Variants in UNC13B observed in about 807,000 individuals in gnomAD.
UNC13B encodes protein unc-13 homolog B.
Under a neutral mutation model 211.0 loss-of-function variants are expected in UNC13B, and 144 were observed. The observed-to-expected ratio is 0.68, with a 90% CI of 0.60 to 0.78. The LOEUF is 0.78. UNC13B is among the 30% of genes least tolerant of loss of function. The pLI is 0.00. For synonymous variants in UNC13B, 709 were observed against 725.8 expected (o/e 0.98, Z 0.37); for missense variants, 1,777 against 2,002.0 (o/e 0.89, Z 2.14).
chr9:35,178,258 C>T (rs1821745234), intron 1 of UNC13B, among the ~76,000 whole-genome samples: 1 of 152,132 alleles, frequency 6.6e-6, no homozygotes, highest in Non-Finnish European at 1.5e-5. Flanking sequence ...CCTGTAATCT[C>T]AGCATTATTG....
Position 35,305,755 on chromosome 9 carries a change from TA to T in UNC13B, c.6353del (p.Asn2118MetfsTer8). 2.5e-6 allele frequency: 1 copy of T among 399,014 alleles called. No homozygotes were observed. Among genetic ancestry groups the T allele is most frequent in the Non-Finnish European group, 4.4e-6 (1 of 226,024 alleles). The allele number at this position is 399,014 out of a possible 1,614,324, so 24.7% of individuals were successfully genotyped here. On this transcript the variant is annotated frameshift_variant, in exon 9 of 40. Coordinates refer to ENST00000635942, the MANE Select transcript of UNC13B (RefSeq NM_001371189.2). LOFTEE classifies it high-confidence loss of function. ...CTACAGTGACAGAAGTTTCAAAAAGTAATGAAATATCCTTTGATACCCTGAG... is the reference window on the plus strand; with the variant it reads ...CTACAGTGACAGAAGTTTCAAAAAGTATGAAATATCCTTTGATACCCTGAG... Reference protein sequence around the residue: ...VTTVTEVSKSNEISFDTLSKR... With the variant: ...VTTVTEVSKSXEISFDTLSKR...
Position 35,301,891 on chromosome 9 carries a change from T to C in UNC13B, c.2487T>C (p.Ser829=), listed in dbSNP as rs1829702915. ...LTSPETCSKE[S]LSEPVKIRQV... is the part of the protein sequence containing the mutation. ...CCCCTGAGACTTGTTCAAAGGAAAG[T>C]TTGTCAGAACCTGTGAAAATTCGCC... Residue 829 remains serine, a synonymous_variant, in exon 9 of 40, where the codon AGT becomes AGC. Transcript: ENST00000635942. The C allele has an allele frequency of 2.5e-6, 1 of 398,768 alleles. No homozygotes were observed. Among genetic ancestry groups the C allele is most frequent in the East Asian group, 3.6e-5 (1 of 28,048 alleles). The allele number at this position is 398,768 out of a possible 1,614,324, so 24.7% of individuals were successfully genotyped here.
At chr9:35,218,766 T>TGA (rs983766307) in intron 1 of UNC13B, among the ~76,000 whole-genome samples, 16 of 151,776 alleles carry the variant, frequency 1.1e-4, no homozygotes, top group Non-Finnish European at 1.8e-4. Context: ...TTTTTCTTTT[T>TGA]GAGATGGAGT....
intron 6 of UNC13B, among the ~76,000 whole-genome samples, chr9:35,249,844 C>G (rs1826351725): frequency 1.3e-5 from 2 of 152,176 alleles, no homozygotes; most frequent in Admixed American, 1.3e-4. Flanking sequence ...TGGAGTTGCT[C>G]TTCTCGAGGA....
At chr9:35,186,805 C>T (rs1007442804) in intron 1 of UNC13B, among the ~76,000 whole-genome samples, 1 of 152,100 alleles carries the variant, frequency 6.6e-6, no homozygotes, top group African/African-American at 2.4e-5. Flanking sequence ...TGTCTGGTGC[C>T]ATCTTGTCTG....
chr9:35,202,748 C>A (rs1430824738), intron 1 of UNC13B, among the ~76,000 whole-genome samples: 3 of 150,510 alleles, frequency 2.0e-5, no homozygotes, highest in African/African-American at 7.4e-5. Context: ...TGTGTCTCTG[C>A]CTGTCAGATG....
At chr9:35,219,318 A>T (rs1219534066) in intron 1 of UNC13B, among the ~76,000 whole-genome samples, 1 of 152,018 alleles carries the variant, frequency 6.6e-6, no homozygotes, top group African/African-American at 2.4e-5. Flanking sequence ...TGCTTTCACT[A>T]TTAGGAGAAG....
At chr9:35,196,338 A>C (rs1422419677) in intron 1 of UNC13B, among the ~76,000 whole-genome samples, 3 of 152,230 alleles carry the variant, frequency 2.0e-5, no homozygotes, top group Non-Finnish European at 4.4e-5. Flanking sequence ...GGCTAGAACA[A>C]GGCAAGTTAG....
At chr9:35,186,617 C>G (rs1319982111) in intron 1 of UNC13B, among the ~76,000 whole-genome samples, 1 of 150,758 alleles carries the variant, frequency 6.6e-6, no homozygotes, top group Non-Finnish European at 1.5e-5. Context: ...GAGGGGACTT[C>G]CAAGAGGAAA....
chr9:35,316,699 C>T (rs549027783), intron 11 of UNC13B, among the ~76,000 whole-genome samples: 10 of 152,208 alleles, frequency 6.6e-5, no homozygotes, highest in African/African-American at 2.2e-4. Flanking sequence ...TGACTGACAT[C>T]AGAGAAGAGG....
At position 35,305,490 on chromosome 9, in the gene UNC13B, A is replaced by T; in HGVS notation, c.6086A>T (p.Asn2029Ile). 2.5e-6 allele frequency: 1 copy of T among 398,862 alleles called. No homozygotes were observed. The highest frequency in any genetic ancestry group is 1.3e-4 in the South Asian group (1 of 7,856). 24.7% of individuals were successfully genotyped at this position (398,862 alleles called of 1,614,324 possible). Residue 2029 changes from asparagine to isoleucine, a missense_variant, in exon 9 of 40, where the codon AAC (asparagine) becomes ATC (isoleucine). Asn to Ile is a moderately radical substitution (Grantham distance 149). Transcript: ENST00000635942. ...GAGCTAGCTAGCCAGGGTGCTGGGA[A>T]CTTTCCTGCTGCACCAATTTCCTCT... The part of the protein sequence containing the change: ...PMELASQGAG[N>I]FPAAPISSKG...
chr9:35,342,420 G>A, intron 11 of UNC13B: 1 of 936,054 alleles, frequency 1.1e-6, no homozygotes, highest in Non-Finnish European at 1.3e-6. Context: ...GTGGAATATG[G>A]AGCAGCTACA....
intron 11 of UNC13B, among the ~76,000 whole-genome samples, chr9:35,346,294 A>C (rs930154277): frequency 6.6e-6 from 1 of 152,082 alleles, no homozygotes; most frequent in East Asian, 1.9e-4. Flanking sequence ...ATATATGTAC[A>C]TCGAGTCCTG....
At chr9:35,367,208 C>G (rs1179694527) in intron 12 of UNC13B, among the ~76,000 whole-genome samples, 19 of 152,114 alleles carry the variant, frequency 1.2e-4, no homozygotes. Flanking sequence ...GAATGGTTAC[C>G]CTGGTGCAGG....
chr9:35,381,752 A>G lies in UNC13B; in HGVS notation c.10655+33A>G, dbSNP rs762935809. On this transcript the variant is annotated intron_variant, in intron 20 of 39. Transcript: ENST00000635942. ...TCTGCTGCGGCACCGGGAAGTGGCTACTAATCACTGGGGTGGCTAATTAAG... is the reference window on the plus strand; with the variant it reads ...TCTGCTGCGGCACCGGGAAGTGGCTGCTAATCACTGGGGTGGCTAATTAAG... 11 of 1,606,570 alleles carry G rather than the reference A, an allele frequency of 6.8e-6. No homozygotes were observed. The South Asian group carries it at 1.0e-4, about 15-fold the overall frequency.
intron 3 of UNC13B, among the ~76,000 whole-genome samples, chr9:35,233,524 T>C (rs1302000883): frequency 6.6e-6 from 1 of 151,906 alleles, no homozygotes; most frequent in Non-Finnish European, 1.5e-5. Flanking sequence ...TATTTACTTA[T>C]TTTTTTTGGT....
chr9:35,398,931 G>A lies in UNC13B; in HGVS notation c.11971G>A (p.Gly3991Ser), dbSNP rs1391975188. 1 of 1,614,172 alleles carries A rather than the reference G, an allele frequency of 6.2e-7. No homozygotes were observed. The highest frequency in any genetic ancestry group is 8.5e-7 in the Non-Finnish European group (1 of 1,180,022). Residue 3991 changes from glycine (G) to serine (S), a missense_variant, in exon 33 of 40, where the codon GGC (glycine) becomes AGC (serine). By Grantham distance (56) the Gly-to-Ser change is moderately conservative (BLOSUM62 0). Transcript: ENST00000635942. ...TGTTCGACAAATGGCCGACATCCTG[G>A]GCCAGGTTCGGGGCACAGGGAATGC... Reference protein sequence around the residue: ...ECVRQMADILGQVRGTGNASP... With the variant: ...ECVRQMADILSQVRGTGNASP...
At chr9:35,207,127 C>T (rs970267493) in intron 1 of UNC13B, among the ~76,000 whole-genome samples, 1 of 152,122 alleles carries the variant, frequency 6.6e-6, no homozygotes, top group Non-Finnish European at 1.5e-5. Context: ...CATTCAAGCT[C>T]AAAGTTACTA....
Position 35,403,823 on chromosome 9 carries a change from A to C in UNC13B, c.12813A>C (p.Glu4271Asp). Reference protein sequence around the residue: ...ICVKDYCFAREDRVLGLAVMP... With the variant: ...ICVKDYCFARDDRVLGLAVMP... The stretch of plus-strand genomic sequence containing the variant: ...TGAAGGATTACTGCTTTGCCCGGGA[A>C]GATCGCGTGCTAGGGCTGGCTGTGA... Residue 4271 changes from glutamate to aspartate, a missense_variant, in exon 40 of 40, where the codon GAA (glutamate) becomes GAC (aspartate). Physicochemically the swap from Glu to Asp is conservative, Grantham distance 45. Transcript: ENST00000635942. 6.2e-7 allele frequency: 1 copy of C among 1,614,120 alleles called. No individual in the cohort carries two copies. The highest frequency in any genetic ancestry group is 8.5e-7 in the Non-Finnish European group (1 of 1,180,016).
Sources: gnomAD v4.1 joint callset for allele counts (sites outside exome capture counted in the v4.1 genomes callset) on GRCh38, gnomAD v4.1.1 for gene constraint, MANE v1.5 for transcripts, NCBI Gene and HGNC (gene_info 2026-07-23, HGNC 2026-07-21) for gene names.